Variants in ZNF148 observed in about 807,000 individuals in gnomAD.
The protein encoded by ZNF148 is Beta-Enolase Repressor Factor-1.
In ZNF148, 7 loss-of-function variants were observed where a neutral mutation model predicts 67.7. The ratio of observed to expected loss-of-function variants is 0.10; its 90% CI spans 0.06 to 0.19. The LOEUF (loss-of-function observed/expected upper bound fraction) is 0.19, where lower values mean the gene tolerates loss of function less well. Among genes scored for constraint, ZNF148 ranks in the 10% least tolerant of loss-of-function variants. The pLI is 1.00. For missense variants in ZNF148, 583 were observed against 947.1 expected, an observed-to-expected ratio of 0.62 and a Z score of 5.05; for synonymous variants, 333 against 330.7, an observed-to-expected ratio of 1.01 and a Z score of -0.08.
chr3:125,323,158 GA>G (rs1382305837), intron 3 of ZNF148, among the ~76,000 whole-genome samples, 150 bp downstream of exon 3: 22 of 151,892 alleles, frequency 1.4e-4, no homozygotes, highest in African/African-American at 5.3e-4. Context: ...CTTTTCTCAG[GA>G]AAAAAACTAG....
chr3:125,238,540 A>C (rs1430457086), intron 7 of ZNF148, among the ~76,000 whole-genome samples: 1 of 152,158 alleles, frequency 6.6e-6, no homozygotes, highest in African/African-American at 2.4e-5. Flanking sequence ...AGGCAGGAGA[A>C]TCACTTGAAC....
chr3:125,358,645 C>T (rs962276344), intron 1 of ZNF148, among the ~76,000 whole-genome samples: 5 of 152,212 alleles, frequency 3.3e-5, no homozygotes, highest in African/African-American at 1.2e-4. Flanking sequence ...ATTCATTTAA[C>T]TCATTCATAA....
chr3:125,326,397 C>T (rs555364282), intron 2 of ZNF148, among the ~76,000 whole-genome samples: 7 of 151,892 alleles, frequency 4.6e-5, no homozygotes, highest in African/African-American at 1.7e-4. Context: ...AATGGACCTA[C>T]ATTGGAAGAA....
chr3:125,258,484 A>C (rs1186505468), intron 7 of ZNF148, among the ~76,000 whole-genome samples: 7 of 150,226 alleles, frequency 4.7e-5, no homozygotes. Flanking sequence ...GGCTGGGCTC[A>C]AACTCCTGGG....
rs1284177587 is a variant in ZNF148 at position 125,232,364 on chromosome 3, T to C, written c.2362A>G (p.Thr788Ala). The C allele has an allele frequency of 1.9e-6, 3 of 1,600,224 alleles. No individual in the cohort carries two copies. The highest frequency in any genetic ancestry group is 2.6e-6 in the Non-Finnish European group (3 of 1,170,314). ...TTTTAGCCAAAAGTCTGGCCAGTTG[T>C]GGCATCAGGTGAAGATGTCATCCCA... ...RAGMTSSPDATTGQTFG is the reference protein window; with the variant it reads ...RAGMTSSPDAATGQTFG Residue 788 changes from threonine to alanine, a missense_variant, in exon 9 of 9, where the codon ACA becomes GCA. Physicochemically the swap from Thr to Ala is moderately conservative, Grantham distance 58. Around this residue, in one of 5 missense-constraint regions of ZNF148, gnomAD observed 158 missense variants for 208.4 expected, o/e 0.76. Transcript: ENST00000360647. The surrounding 1 kb of genome is among the most constrained non-coding windows in gnomAD (Gnocchi z 4.2).
At chr3:125,342,019 A>G (rs1312759865) in intron 1 of ZNF148, among the ~76,000 whole-genome samples, 1 of 151,294 alleles carries the variant, frequency 6.6e-6, no homozygotes, top group East Asian at 1.9e-4. Context: ...AATGGAAATC[A>G]TGGGGAAGAG....
At chr3:125,266,363 T>C (rs1937529967) in intron 7 of ZNF148, among the ~76,000 whole-genome samples, 1 of 152,138 alleles carries the variant, frequency 6.6e-6, no homozygotes, top group Admixed American at 6.5e-5. Flanking sequence ...ATGGAAGTCA[T>C]ACCAAGCACA....
intron 7 of ZNF148, among the ~76,000 whole-genome samples, chr3:125,245,420 T>C (rs934736128): frequency 6.6e-5 from 10 of 152,320 alleles, no homozygotes; most frequent in African/African-American, 2.2e-4. Flanking sequence ...TGATTGCAAG[T>C]TTCCTGATGC....
At chr3:125,338,202 T>C (rs1222349463) in intron 1 of ZNF148, among the ~76,000 whole-genome samples, 2 of 152,140 alleles carry the variant, frequency 1.3e-5, no homozygotes, top group African/African-American at 4.8e-5. Context: ...AATTAAGATA[T>C]ATTTAACATT....
chr3:125,321,224 A>G (rs1206283741), intron 3 of ZNF148, among the ~76,000 whole-genome samples: 2 of 152,172 alleles, frequency 1.3e-5, no homozygotes, highest in South Asian at 2.1e-4. Context: ...ATTTCAAAAT[A>G]TCCTAATAGG....
intron 4 of ZNF148, among the ~76,000 whole-genome samples, chr3:125,312,560 G>T (rs980275846): frequency 1.3e-5 from 2 of 152,214 alleles, no homozygotes; most frequent in African/African-American, 4.8e-5. Context: ...GGCTGATGAT[G>T]ATGGAGCACT....
intron 7 of ZNF148, among the ~76,000 whole-genome samples, chr3:125,236,157 A>G (rs1002821521): frequency 6.6e-6 from 1 of 152,124 alleles, no homozygotes; most frequent in Non-Finnish European, 1.5e-5. Flanking sequence ...CTACTAGATT[A>G]TATTTCTTTA....
At chr3:125,278,700 C>G (rs962585164) in intron 6 of ZNF148, among the ~76,000 whole-genome samples, 4 of 151,904 alleles carry the variant, frequency 2.6e-5, no homozygotes, top group Non-Finnish European at 5.9e-5. Flanking sequence ...GTTTGTTTAC[C>G]CAAAGGTCTG....
intron 7 of ZNF148, among the ~76,000 whole-genome samples, chr3:125,269,425 A>G (rs1332388571): frequency 6.7e-6 from 1 of 148,714 alleles, no homozygotes; most frequent in African/African-American, 2.5e-5. Context: ...TCACATCCCT[A>G]AGAAGGGCTA....
At chr3:125,293,469 A>C (rs572919313) in intron 4 of ZNF148, among the ~76,000 whole-genome samples, 9 of 152,326 alleles carry the variant, frequency 5.9e-5, no homozygotes, top group African/African-American at 1.9e-4. Context: ...CCAAACAAAA[A>C]AGAACCAGAG....
intron 1 of ZNF148, among the ~76,000 whole-genome samples, chr3:125,363,795 A>AT: frequency 6.6e-6 from 1 of 152,056 alleles, no homozygotes; most frequent in Middle Eastern, 3.4e-3. Flanking sequence ...AACTACAGGC[A>AT]TGTGCCACCA....
intron 5 of ZNF148, among the ~76,000 whole-genome samples, chr3:125,281,760 CA>C (rs1938400354): frequency 6.6e-6 from 1 of 152,286 alleles, no homozygotes; most frequent in African/African-American, 2.4e-5. Context: ...GATAAACACA[CA>C]GGAAAATCTA....
chr3:125,302,862 G>GT (rs1235726572), intron 4 of ZNF148, among the ~76,000 whole-genome samples: 1 of 152,304 alleles, frequency 6.6e-6, no homozygotes, highest in East Asian at 1.9e-4. Flanking sequence ...GTATGGTAGG[G>GT]TATTTATTCT....
chr3:125,317,616 G>C (rs1579788582), intron 3 of ZNF148, among the ~76,000 whole-genome samples: 1 of 130,294 alleles, frequency 7.7e-6, no homozygotes, highest in Admixed American at 8.2e-5. Flanking sequence ...AAAAAATCAA[G>C]GAGAACTATG....
Sources: allele counts gnomAD v4.1 joint callset (sites outside exome capture counted in the v4.1 genomes callset), GRCh38; gene constraint gnomAD v4.1.1; regional missense constraint gnomAD v4.1.1; non-coding constraint Gnocchi (gnomAD v3.1); transcripts MANE v1.5; gene names NCBI Gene and HGNC (gene_info 2026-07-23, HGNC 2026-07-21).